Variants in ABLIM2 observed in about 807,000 individuals in gnomAD.
ABLIM2 encodes actin-binding LIM protein 2.
ABLIM2 carries 53 observed loss-of-function variants against 97.7 expected under a neutral mutation model. The ratio of observed to expected loss-of-function variants is 0.54; its 90% CI spans 0.44 to 0.68. The LOEUF (loss-of-function observed/expected upper bound fraction) is 0.68. Ranked by LOEUF, ABLIM2 falls within the 30% of genes least tolerant of loss-of-function variation. ABLIM2 has a pLI of 0.00. For synonymous variants in ABLIM2, 361 were observed against 345.8 expected (o/e 1.04, Z -0.49); for missense variants, 835 against 867.2 (o/e 0.96, Z 0.47).
chr4:7,969,822 C>T (rs749192394), intron 20 of ABLIM2, among the ~76,000 whole-genome samples: 2 of 151,526 alleles, frequency 1.3e-5, no homozygotes, highest in African/African-American at 4.8e-5. Context: ...GCTGCTATCT[C>T]GAGTTTGCAA....
At chr4:8,104,276 C>T (rs755974151) in intron 2 of ABLIM2, among the ~76,000 whole-genome samples, 15 of 152,220 alleles carry the variant, frequency 9.9e-5, no homozygotes, top group Non-Finnish European at 1.9e-4. Context: ...TCCTTCCCCG[C>T]GTGTGCCGGA....
intron 1 of ABLIM2, among the ~76,000 whole-genome samples, chr4:8,135,670 C>T (rs1483297217): frequency 1.3e-5 from 2 of 152,340 alleles, no homozygotes; most frequent in East Asian, 1.9e-4. Context: ...TATAAGCCGC[C>T]GGGCTGTGAT....
chr4:8,074,459 A>AG (rs1410865198), intron 6 of ABLIM2, among the ~76,000 whole-genome samples: 2 of 152,218 alleles, frequency 1.3e-5, no homozygotes, highest in African/African-American at 4.8e-5. Context: ...CTCTAAAAAA[A>AG]GAAATTTAAA....
In ABLIM2 at chr4:8,001,590, C is replaced by T. The variant is rs1757235681; in HGVS notation, c.1618+6469G>A. On this transcript the variant is annotated intron_variant, in intron 16 of 20. Coordinates refer to ENST00000447017, the MANE Select transcript of ABLIM2 (RefSeq NM_001130083.2). This position sits in a 1 kb window ranked among gnomAD's most constrained non-coding sequence, Gnocchi z 4.2. Reference sequence around the variant, plus strand: ...GCTCTCTCTGGGGGCTCAGAGAGCACCCTGCCTGCCCAGCAGGAGGCCAGG... The same window carrying T: ...GCTCTCTCTGGGGGCTCAGAGAGCATCCTGCCTGCCCAGCAGGAGGCCAGG... Among the ~76,000 whole-genome samples the T allele has an allele frequency of 6.6e-6, 1 of 152,104 alleles. No individual in the cohort carries two copies. The highest frequency in any genetic ancestry group is 1.5e-5 in the Non-Finnish European group (1 of 67,996).
intron 9 of ABLIM2, chr4:8,041,416 AG>A (rs1454950355): frequency 6.6e-6 from 1 of 152,230 alleles, no homozygotes; most frequent in Non-Finnish European, 1.5e-5. Flanking sequence ...ACTGAGCAGC[AG>A]GGTCTCCTGG....
intron 1 of ABLIM2, among the ~76,000 whole-genome samples, chr4:8,152,269 C>G (rs1445885344): frequency 6.6e-6 from 1 of 152,234 alleles, no homozygotes; most frequent in East Asian, 1.9e-4. Flanking sequence ...GCCAGGGATA[C>G]GCGTGTTGCG....
chr4:8,024,648 G>A (rs777945746), intron 12 of ABLIM2, among the ~76,000 whole-genome samples: 15 of 152,234 alleles, frequency 9.9e-5, no homozygotes, highest in South Asian at 2.1e-4. Flanking sequence ...AGGCACCTTC[G>A]TGTGGCCTCC....
Position 8,021,680 on chromosome 4 carries a change from GGGGCTCTTGCCTGGTGGT to G in ABLIM2, c.1268-1395_1268-1378del, listed in dbSNP as rs1560685028. On this transcript the variant is annotated intron_variant, in intron 12 of 20. Coordinates refer to ENST00000447017, the MANE Select transcript of ABLIM2 (RefSeq NM_001130083.2). This position sits in a 1 kb window ranked among gnomAD's most constrained non-coding sequence, Gnocchi z 5.5. ...GGGCTCGACAGACACTGGCCCAGAG[GGGGCTCTTGCCTGGTGGT>G]GGGCTGCATGCAGCGGGAGGTCACC... Among the ~76,000 whole-genome samples, 1 of 152,270 alleles carries G rather than the reference GGGGCTCTTGCCTGGTGGT, an allele frequency of 6.6e-6. No homozygotes were observed. Among genetic ancestry groups the G allele is most frequent in the Admixed American group, 6.5e-5 (1 of 15,292 alleles).
rs1758083753 is a variant in ABLIM2, at chr4:8,002,755, GCT to G, written c.1618+5302_1618+5303del. Among the ~76,000 whole-genome samples the G allele has an allele frequency of 6.6e-6, 1 of 152,152 alleles. No individual in the cohort carries two copies. Among genetic ancestry groups the G allele is most frequent in the South Asian group, 2.1e-4 (1 of 4,828 alleles). On this transcript the variant is annotated intron_variant, in intron 16 of 20. Coordinates refer to ENST00000447017, the MANE Select transcript of ABLIM2 (RefSeq NM_001130083.2). The surrounding 1 kb of genome is among the most constrained non-coding windows in gnomAD (Gnocchi z 6.1). The stretch of plus-strand genomic sequence containing the variant: ...GAGTCCTCCCAAGGGCACACAAACT[GCT>G]CTGTGACCTGACGCATGGCCCTCAC...
chr4:8,024,972 C>G (rs2151044719), intron 12 of ABLIM2, among the ~76,000 whole-genome samples: 1 of 152,320 alleles, frequency 6.6e-6, no homozygotes, highest in South Asian at 2.1e-4. Context: ...GTTGCCCAGG[C>G]TGGATGGAGT....
intron 14 of ABLIM2, among the ~76,000 whole-genome samples, chr4:8,017,350 A>G (rs1770142279): frequency 6.6e-6 from 1 of 151,164 alleles, no homozygotes; most frequent in African/African-American, 2.4e-5. Context: ...GCAGTGGCGC[A>G]ATCCCGGCTC....
Position 8,033,361 on chromosome 4 carries a change from C to T in ABLIM2, c.1047+2788G>A, listed in dbSNP as rs1023677985. Among the ~76,000 whole-genome samples the T allele has an allele frequency of 1.3e-5, 2 of 152,200 alleles. No homozygotes were observed. The highest frequency in any genetic ancestry group is 2.1e-4 in the South Asian group (1 of 4,834). The stretch of plus-strand genomic sequence containing the variant: ...TGGTTATTACAGCGCAATAACTCGA[C>T]GGCCTCTGGGAGGCTGCCACGGGCC... On this transcript the variant is annotated intron_variant, in intron 10 of 20. Coordinates refer to ENST00000447017, the MANE Select transcript of ABLIM2 (RefSeq NM_001130083.2). The surrounding 1 kb of genome is among the most constrained non-coding windows in gnomAD (Gnocchi z 4.5).
At chr4:8,007,410 C>A (rs1284377708) in intron 16 of ABLIM2, 6 of 985,408 alleles carry the variant, frequency 6.1e-6, no homozygotes, top group Admixed American at 6.1e-5. Flanking sequence ...TGAAAACTGC[C>A]CCCAGCCCAG....
In ABLIM2 at chr4:8,043,966, G is replaced by C. The variant is rs1447944805; in HGVS notation, c.900+1198C>G. Among the ~76,000 whole-genome samples, 1 of 152,160 alleles carries C rather than the reference G, an allele frequency of 6.6e-6. No homozygotes were observed. Among genetic ancestry groups the C allele is most frequent in the Non-Finnish European group, 1.5e-5 (1 of 68,022 alleles). On this transcript the variant is annotated intron_variant, in intron 9 of 20. Coordinates refer to ENST00000447017, the MANE Select transcript of ABLIM2 (RefSeq NM_001130083.2). This position sits in a 1 kb window ranked among gnomAD's most constrained non-coding sequence, Gnocchi z 4.8. The stretch of plus-strand genomic sequence containing the variant: ...CCTTCATGCGCCCGCCTAAGCTTCA[G>C]AGTGCACATCCCAAGCGCCACAGTG...
rs1841443115 is a variant in ABLIM2, at chr4:8,113,722, G to A, written c.11-7085C>T. ...CGTCTGCTGTTTGTATCATCCAAAC[G>A]GCTGGCTTGGGGTTTCCAAATGTCC... On this transcript the variant is annotated intron_variant, in intron 1 of 20. Transcript: ENST00000447017. The surrounding 1 kb of genome is among the most constrained non-coding windows in gnomAD (Gnocchi z 4.5). Among the ~76,000 whole-genome samples, 1 of 152,194 alleles carries A rather than the reference G, an allele frequency of 6.6e-6. No homozygotes were observed. The highest frequency in any genetic ancestry group is 1.5e-5 in the Non-Finnish European group (1 of 68,040).
chr4:8,137,713 C>A (rs1003802236), intron 1 of ABLIM2, among the ~76,000 whole-genome samples: 3 of 152,204 alleles, frequency 2.0e-5, no homozygotes, highest in Non-Finnish European at 4.4e-5. Context: ...TCAAAATGCC[C>A]CCACCAAGTG....
chr4:8,001,428 C>A lies in ABLIM2; in HGVS notation c.1618+6631G>T, dbSNP rs540078056. Among the ~76,000 whole-genome samples, 1 of 152,262 alleles carries A rather than the reference C, an allele frequency of 6.6e-6. No individual in the cohort carries two copies. The highest frequency in any genetic ancestry group is 2.1e-4 in the South Asian group (1 of 4,820). ...GAAGGCTAGTCCCCAGGCAACCCAA[C>A]GGCAGCGGCTGCTCCCTGGGGCTCC... On this transcript the variant is annotated intron_variant, in intron 16 of 20. Coordinates refer to ENST00000447017, the MANE Select transcript of ABLIM2 (RefSeq NM_001130083.2). This position sits in a 1 kb window ranked among gnomAD's most constrained non-coding sequence, Gnocchi z 4.2.
rs186581040 is a variant in ABLIM2 at position 8,120,275 on chromosome 4, C to T, written c.11-13638G>A. 1.3e-5 allele frequency among the ~76,000 whole-genome samples: 2 copies of T among 152,342 alleles called. No individual in the cohort carries two copies. Among genetic ancestry groups the T allele is most frequent in the African/African-American group, 4.8e-5 (2 of 41,588 alleles). ...ACCCCCAGATGCCCACGTTGAAGTCCTAACCCCCGGACCTCGGCAAGTGAC... is the reference window on the plus strand; with the variant it reads ...ACCCCCAGATGCCCACGTTGAAGTCTTAACCCCCGGACCTCGGCAAGTGAC... On this transcript the variant is annotated intron_variant, in intron 1 of 20. Transcript: ENST00000447017. This position sits in a 1 kb window ranked among gnomAD's most constrained non-coding sequence, Gnocchi z 5.6.
At position 8,082,217 on chromosome 4, in the gene ABLIM2, T is replaced by A. The variant is rs567765049; in HGVS notation, c.455-1415A>T. On this transcript the variant is annotated intron_variant, in intron 4 of 20. Coordinates refer to ENST00000447017, the MANE Select transcript of ABLIM2 (RefSeq NM_001130083.2). The surrounding 1 kb of genome is among the most constrained non-coding windows in gnomAD (Gnocchi z 5.6). ...TGCCCAAGGAAACCTCTACCCAAGA[T>A]GGAAAGAAGGTGGCCCCAGGGCCCG... Among the ~76,000 whole-genome samples the A allele has an allele frequency of 3.8e-3, 581 of 152,160 alleles. 4 individuals are homozygous for A. Among genetic ancestry groups the A allele is most frequent in the African/African-American group, 0.013 (556 of 41,512 alleles).
Sources: gnomAD v4.1 joint callset for allele counts (sites outside exome capture counted in the v4.1 genomes callset) on GRCh38, gnomAD v4.1.1 for gene constraint, Gnocchi (gnomAD v3.1) non-coding constraint, MANE v1.5 for transcripts, NCBI Gene and HGNC (gene_info 2026-07-23, HGNC 2026-07-21) for gene names.